Variants in BCOR observed in about 807,000 individuals in gnomAD.
The protein encoded by BCOR is BCL6 corepressor.
BCOR carries 10 observed loss-of-function variants against 86.7 expected under a neutral mutation model. The ratio of observed to expected loss-of-function variants is 0.12; its 90% CI spans 0.07 to 0.20. BCOR has a LOEUF of 0.20. Ranked by LOEUF, BCOR falls within the 10% of genes least tolerant of loss-of-function variation. BCOR has a pLI of 1.00. For synonymous variants in BCOR, 611 were observed against 609.0 expected (o/e 1.00, Z -0.05); for missense variants, 1,259 against 1,452.1 (o/e 0.87, Z 2.16).
exon 1 of BCOR, chrX:40,177,034 C>T (rs773408965): frequency 9.2e-6 from 1 of 108,641 alleles, no homozygotes; most frequent in South Asian, 4.2e-4. Flanking sequence ...CCGTCTTCCA[C>T]TGACTCCAGC....
Position 40,072,715 on chromosome X carries a change from G to A in BCOR, c.2631C>T (p.Thr877=), listed in dbSNP as rs780203470. The A allele has an allele frequency of 2.6e-5, 32 of 1,210,195 alleles. No homozygotes were observed. Among genetic ancestry groups the A allele is most frequent in the Middle Eastern group, 2.3e-4 (1 of 4,355 alleles). ...ETYTFKQPVF[T]VSKDSVLAGT... is the part of the protein sequence containing the mutation. Reference sequence around the variant, plus strand: ...CTGCCAGAACACTGTCCTTGCTTACGGTGAAGACTGGCTGTTTGAAAGTAT... The same window carrying A: ...CTGCCAGAACACTGTCCTTGCTTACAGTGAAGACTGGCTGTTTGAAAGTAT... Residue 877 remains threonine, a synonymous_variant, in exon 4 of 15, where the codon ACC becomes ACT. Transcript: ENST00000378444.
intron 1 of BCOR, among the ~76,000 whole-genome samples, chrX:40,152,782 C>T (rs780907287): frequency 7.4e-4 from 83 of 112,627 alleles, no homozygotes; most frequent in Admixed American, 3.5e-3. Flanking sequence ...TTCCGGAAAA[C>T]AAGGGAAGCA....
chrX:40,161,805 G>C (rs1356179207), intron 1 of BCOR, among the ~76,000 whole-genome samples: 1 of 112,014 alleles, frequency 8.9e-6, no homozygotes, highest in Non-Finnish European at 1.9e-5. Context: ...GAGCCACCGC[G>C]CCTAGCCCTG....
intron 1 of BCOR, among the ~76,000 whole-genome samples, chrX:40,085,620 T>C (rs1214452030): frequency 2.7e-5 from 3 of 110,731 alleles, no homozygotes; most frequent in Non-Finnish European, 3.8e-5. Flanking sequence ...GAGAATGAAG[T>C]AGATTTGCAG....
chrX:40,129,524 GGGGGCCAGGCCTCAGTGGCAGGGCT>G (rs1302474275), intron 1 of BCOR, among the ~76,000 whole-genome samples: 1 of 110,580 alleles, frequency 9.0e-6, no homozygotes, highest in Admixed American at 9.7e-5. Flanking sequence ...CACATAATGG[GGGGGCCAGGCCTCAGTGGCAGGGCT>G]GGGGCCAGGC....
chrX:40,132,462 A>G (rs988004582), intron 1 of BCOR, among the ~76,000 whole-genome samples: 23 of 111,323 alleles, frequency 2.1e-4, no homozygotes, highest in Non-Finnish European at 3.4e-4. Flanking sequence ...GTATTTTTGT[A>G]GAGACAGGGT....
intron 1 of BCOR, among the ~76,000 whole-genome samples, chrX:40,175,089 C>T (rs781174863): frequency 4.9e-4 from 52 of 107,100 alleles, no homozygotes; most frequent in African/African-American, 1.4e-3. Context: ...CGGAGGCCGT[C>T]CATATTAATA....
At chrX:40,066,778 GA>G (rs1220198394) in intron 6 of BCOR, among the ~76,000 whole-genome samples, 1 of 111,037 alleles carries the variant, frequency 9.0e-6, no homozygotes, top group Non-Finnish European at 1.9e-5. Flanking sequence ...AGGTAGGAGA[GA>G]GGGTTTGAGC....
At chrX:40,126,214 CAAAAA>C (rs753237058) in intron 1 of BCOR, among the ~76,000 whole-genome samples, 1 of 35,117 alleles carries the variant, frequency 2.8e-5, no homozygotes. Context: ...GACTCCGTCT[CAAAAA>C]AAAAAAAAAA....
Position 40,097,443 on chromosome X carries a change from C to T in BCOR, c.-269G>A, listed in dbSNP as rs868819243. On this transcript the variant is annotated 5_prime_UTR_variant, in exon 1 of 15. Coordinates refer to ENST00000378444, the MANE Select transcript of BCOR (RefSeq NM_001123385.2). ...TCCCCGGCTGCCCGCAGCCCGCTCG[C>T]GGCGCCGCGCTCACTCGACTCCCTC... is the stretch of plus-strand genomic sequence containing the variant. 0.025 allele frequency: 2,628 copies of T among 104,316 alleles called. 36 individuals are homozygous for T. The highest frequency in any genetic ancestry group is 0.036 in the Non-Finnish European group (1,833 of 50,426). The allele number at this position is 104,316 out of a possible 1,213,427, so 8.6% of individuals were successfully genotyped here.
In BCOR at chrX:40,074,020, G is replaced by C. The variant is rs895977739; in HGVS notation, c.1326C>G (p.Asp442Glu). The C allele has an allele frequency of 8.3e-7, 1 of 1,212,110 alleles. No homozygotes were observed. Among genetic ancestry groups the C allele is most frequent in the Non-Finnish European group, 1.1e-6 (1 of 895,546 alleles). Residue 442 changes from aspartate to glutamate, a missense_variant, in exon 4 of 15, where the codon GAC becomes GAG. This residue lies in a region of BCOR where 534 missense variants were observed against 594.8 expected (regional missense o/e 0.90). Coordinates refer to ENST00000378444, the MANE Select transcript of BCOR (RefSeq NM_001123385.2). ...VTKDVTDKPL[D>E]LSSKVVDVDA... ...CTACATCCACCACTTTAGAAGACAA[G>C]TCTAGTGGCTTATCTGTGACGTCTT...
chrX:40,081,579 C>T (rs188795935), intron 1 of BCOR, among the ~76,000 whole-genome samples: 32 of 112,107 alleles, frequency 2.9e-4, no homozygotes, highest in Admixed American at 2.8e-3. Context: ...AGCTCGTTTG[C>T]TTTTATTTTT....
chrX:40,119,244 G>T (rs867786896), intron 1 of BCOR, among the ~76,000 whole-genome samples: 81 of 92,031 alleles, frequency 8.8e-4, no homozygotes, highest in Middle Eastern at 5.3e-3. Flanking sequence ...TTTGGGTGTT[G>T]TTTTTTTTTT....
Position 40,074,515 on chromosome X carries a change from C to T in BCOR, c.831G>A (p.Pro277=), listed in dbSNP as rs766706601. 16 of 1,205,438 alleles carry T rather than the reference C, an allele frequency of 1.3e-5. No homozygotes were observed. In the Admixed American group the frequency reaches 2.4e-4, roughly 18 times the overall value. The stretch of plus-strand genomic sequence containing the variant: ...TTTTGTCTGCGCAATGGACGAGAGG[C>T]GGGATGGCTGGGGAGGCCGAAGGTG... ...LSTPSASPAI[P]PLVHCADKSL... is the part of the protein sequence containing the mutation. Residue 277 remains proline (P), a synonymous_variant, in exon 4 of 15, where the codon CCG becomes CCA. Coordinates refer to ENST00000378444, the MANE Select transcript of BCOR (RefSeq NM_001123385.2).
rs765158400 is a variant in BCOR at position 40,062,383 on chromosome X, C to T, written c.4184G>A (p.Arg1395Gln). The change falls in exon 10 of 15, where the codon CGG (arginine) becomes CAG (glutamine). Residue 1395 changes from arginine to glutamine, a missense_variant. Arg to Gln is a conservative substitution (Grantham distance 43, BLOSUM62 1). Coordinates refer to ENST00000378444, the MANE Select transcript of BCOR (RefSeq NM_001123385.2). ...GGGCTCCGGCCGCTTTCTGAATCTC[C>T]GGACAGTCACCTATCATAAAACCAA... is the stretch of plus-strand genomic sequence containing the variant. ...VENADGKVTVRRFRKRPEPSS... is the reference protein window; with the variant it reads ...VENADGKVTVQRFRKRPEPSS... 8.3e-6 allele frequency: 10 copies of T among 1,201,460 alleles called. No homozygotes were observed. The East Asian group carries it at 1.2e-4, about 14-fold the overall frequency.
chrX:40,116,205 C>G lies in BCOR; in HGVS notation c.-40-38236G>C, dbSNP rs145543854. Among the ~76,000 whole-genome samples the G allele has an allele frequency of 5.9e-4, 66 of 112,051 alleles. 1 individual carries two copies. The East Asian group carries it at 0.017, about 30-fold the overall frequency. ...TAATAATCTCATGTCATATAGAAAACTGTCCTATATGGCTGGGCGCGGTGG... is the reference window on the plus strand; with the variant it reads ...TAATAATCTCATGTCATATAGAAAAGTGTCCTATATGGCTGGGCGCGGTGG... On this transcript the variant is annotated intron_variant, in intron 1 of 14. Transcript: ENST00000342274.
At chrX:40,117,517 G>A (rs901338603) in intron 1 of BCOR, among the ~76,000 whole-genome samples, 9 of 108,531 alleles carry the variant, frequency 8.3e-5, no homozygotes, top group Non-Finnish European at 1.3e-4. Context: ...ACAAAACCCA[G>A]CAAAGATAAA....
intron 1 of BCOR, among the ~76,000 whole-genome samples, chrX:40,096,447 CAA>C (rs752922322): frequency 1.2e-3 from 130 of 112,493 alleles, no homozygotes; most frequent in Non-Finnish European, 2.1e-3. Context: ...ATTTACAAAA[CAA>C]AGCGTCTGAC....
chrX:40,078,026 G>T (rs1935898325), intron 1 of BCOR, 57 bp from the exon 2 acceptor site: 1 of 726,065 alleles, frequency 1.4e-6, no homozygotes, highest in Non-Finnish European at 2.2e-6. Context: ...AGCCAAACAG[G>T]GCGCTAGAGA....
Sources: allele counts gnomAD v4.1 joint callset (sites outside exome capture counted in the v4.1 genomes callset), GRCh38; gene constraint gnomAD v4.1.1; regional missense constraint gnomAD v4.1.1; transcripts MANE v1.5; gene names NCBI Gene and HGNC (gene_info 2026-07-23, HGNC 2026-07-21).